The following SLC22A16 variants were observed in gnomAD, a reference collection of about 807,000 sequenced individuals.
SLC22A16 encodes the protein WUGSC:RG331P03.1.
SLC22A16 carries 53 observed loss-of-function variants against 52.9 expected under a neutral mutation model. That is an observed-to-expected ratio of 1.00 (90% CI 0.80 to 1.26). The LOEUF (loss-of-function observed/expected upper bound fraction) is 1.26, where lower values mean the gene tolerates loss of function less well. SLC22A16 is among the 50% of genes most tolerant of loss of function. The pLI is 0.00. For missense variants in SLC22A16, 726 were observed against 704.0 expected (o/e 1.03, Z -0.35); for synonymous variants, 291 against 268.8 (o/e 1.08, Z -0.81).
intron 6 of SLC22A16, among the ~76,000 whole-genome samples, chr6:110,432,649 G>T (rs1353494416): frequency 6.6e-6 from 1 of 152,160 alleles, no homozygotes; most frequent in Non-Finnish European, 1.5e-5. Context: ...CAGCCACAAC[G>T]GAGCCAAAGC....
intron 7 of SLC22A16, 138 bp downstream of exon 7, chr6:110,431,033 G>T: frequency 3.0e-6 from 2 of 672,450 alleles, no homozygotes; most frequent in Non-Finnish European, 5.1e-6. Context: ...GCCAGCTGTT[G>T]GTAATGGGGT....
intron 7 of SLC22A16, among the ~76,000 whole-genome samples, chr6:110,428,515 C>T (rs1026015961): frequency 2.0e-5 from 3 of 152,208 alleles, no homozygotes; most frequent in Non-Finnish European, 4.4e-5. Flanking sequence ...GCGCGTGACC[C>T]TGGGCTAATA....
chr6:110,467,836 A>G (rs1447756848), intron 1 of SLC22A16, among the ~76,000 whole-genome samples: 1 of 152,230 alleles, frequency 6.6e-6, no homozygotes, highest in Non-Finnish European at 1.5e-5. Context: ...GCACACATTC[A>G]TATATAAAAT....
intron 1 of SLC22A16, among the ~76,000 whole-genome samples, chr6:110,464,762 A>G (rs1199473590): frequency 2.0e-5 from 3 of 152,136 alleles, no homozygotes; most frequent in Non-Finnish European, 1.5e-5. Flanking sequence ...AAAATTAAGG[A>G]AGAGGAATTC....
At chr6:110,441,176 C>A (rs1326394192) in intron 4 of SLC22A16, among the ~76,000 whole-genome samples, 1 of 152,188 alleles carries the variant, frequency 6.6e-6, no homozygotes, top group African/African-American at 2.4e-5. Context: ...AAAAATACAT[C>A]TTGTTTATGC....
intron 1 of SLC22A16, among the ~76,000 whole-genome samples, chr6:110,469,469 AACCTGGAAGCAT>A (rs966332468): frequency 6.6e-6 from 1 of 152,230 alleles, no homozygotes; most frequent in African/African-American, 2.4e-5. Context: ...GAATAGCTGG[AACCTGGAAGCAT>A]ACGTTGCAGT....
chr6:110,430,301 G>T (rs1306762734), intron 7 of SLC22A16, among the ~76,000 whole-genome samples: 2 of 152,110 alleles, frequency 1.3e-5, no homozygotes, highest in East Asian at 1.9e-4. Flanking sequence ...TCACTGGCCA[G>T]TTCTACTTGG....
At chr6:110,469,045 T>C (rs1353663449) in intron 1 of SLC22A16, among the ~76,000 whole-genome samples, 4 of 152,184 alleles carry the variant, frequency 2.6e-5, no homozygotes, top group Non-Finnish European at 5.9e-5. Context: ...TTCCAGGCAA[T>C]AAGAATGGCT....
chr6:110,472,877 C>G (rs1291693549), intron 1 of SLC22A16, among the ~76,000 whole-genome samples: 1 of 152,204 alleles, frequency 6.6e-6, no homozygotes, highest in Non-Finnish European at 1.5e-5. Context: ...TGGACCCATG[C>G]AATCTGAGTG....
At chr6:110,441,274 G>A (rs1480735279) in intron 4 of SLC22A16, among the ~76,000 whole-genome samples, 1 of 152,192 alleles carries the variant, frequency 6.6e-6, no homozygotes, top group Non-Finnish European at 1.5e-5. Flanking sequence ...AATTCTGACT[G>A]AAAAATTAAA....
chr6:110,476,529 A>G lies in SLC22A16; in HGVS notation c.46T>C (p.Phe16Leu). The G allele has an allele frequency of 6.8e-7, 1 of 1,477,012 alleles. No homozygotes were observed. Among genetic ancestry groups the G allele is most frequent in the Non-Finnish European group, 9.0e-7 (1 of 1,112,896 alleles). 91.5% of individuals were successfully genotyped at this position (1,477,012 alleles called of 1,614,324 possible). A position where few individuals can be genotyped will look rare whatever the true frequency, so the allele number is the denominator to read the frequency against. Residue 16 changes from phenylalanine to leucine, a missense_variant, in exon 1 of 8, where the codon TTC (phenylalanine) becomes CTC (leucine). Phe to Leu is a conservative substitution (Grantham distance 22). Transcript: ENST00000368919. ...FEGIYDHVGH[F>L]GRFQRVLYFI... ...GGGGCCCCTCCCCCATACCTGCCGA[A>G]GTGCCCCACGTGGTCATAAATCCCC...
At chr6:110,473,810 CCACCG>C (rs1327022028) in intron 1 of SLC22A16, among the ~76,000 whole-genome samples, 6 of 151,852 alleles carry the variant, frequency 4.0e-5, no homozygotes, top group Non-Finnish European at 7.4e-5. Flanking sequence ...CAGGCATGAA[CCACCG>C]CACCTGGCCT....
At chr6:110,433,703 C>T (rs1020013344) in intron 6 of SLC22A16, among the ~76,000 whole-genome samples, 32 of 152,260 alleles carry the variant, frequency 2.1e-4, no homozygotes, top group African/African-American at 6.3e-4. Context: ...AAGATTGGGT[C>T]TTTAATAGGC....
chr6:110,430,801 C>T (rs1244408578), intron 7 of SLC22A16, among the ~76,000 whole-genome samples: 1 of 152,238 alleles, frequency 6.6e-6, no homozygotes, highest in Non-Finnish European at 1.5e-5. Flanking sequence ...CCTTGCCCAG[C>T]AGGCACTCAG....
At chr6:110,438,368 A>G (rs1774818807) in intron 5 of SLC22A16, among the ~76,000 whole-genome samples, 1 of 152,052 alleles carries the variant, frequency 6.6e-6, no homozygotes, top group South Asian at 2.1e-4. Context: ...TCTGTCATCT[A>G]GGCTGGAGTA....
At chr6:110,446,759 A>G in intron 3 of SLC22A16, 114 bp downstream of exon 3, 1 of 885,022 alleles carries the variant, frequency 1.1e-6, no homozygotes, top group East Asian at 2.4e-5. Flanking sequence ...AGTGGAGTGG[A>G]CAAAGATGAG....
At chr6:110,453,771 G>A (rs1775474468) in intron 2 of SLC22A16, 1 of 449,308 alleles carries the variant, frequency 2.2e-6, no homozygotes, top group Non-Finnish European at 4.5e-6. Flanking sequence ...CCTAAGACTG[G>A]ATAATTTATA....
chr6:110,471,285 T>C (rs1346556560), intron 1 of SLC22A16, among the ~76,000 whole-genome samples: 2 of 152,218 alleles, frequency 1.3e-5, no homozygotes, highest in Non-Finnish European at 2.9e-5. Context: ...CAGTGGGCTA[T>C]ACCATAGAGC....
At chr6:110,428,246 A>ATT (rs376420264) in intron 7 of SLC22A16, among the ~76,000 whole-genome samples, 151 of 150,298 alleles carry the variant, frequency 1.0e-3, no homozygotes, top group African/African-American at 3.6e-3. Context: ...GGGAAATCTG[A>ATT]TTTTTTTTTT....
Sources: gnomAD v4.1 joint callset for allele counts (sites outside exome capture counted in the v4.1 genomes callset) on GRCh38, gnomAD v4.1.1 for gene constraint, MANE v1.5 for transcripts, NCBI Gene and HGNC (gene_info 2026-07-23, HGNC 2026-07-21) for gene names.